Variants in DUSP4 observed in about 807,000 individuals in gnomAD.
DUSP4 encodes the protein dual specificity protein phosphatase 4.
Under a neutral mutation model 27.2 loss-of-function variants are expected in DUSP4, and 12 were observed. The ratio of observed to expected loss-of-function variants is 0.44; its 90% confidence interval spans 0.28 to 0.71. DUSP4 has a LOEUF of 0.71. DUSP4 is among the 30% of genes least tolerant of loss of function. The probability of loss-of-function intolerance (pLI) is 0.14; values close to 1 mark genes in which losing one functional copy is unlikely to be tolerated. For missense variants in DUSP4, 448 were observed against 551.3 expected, an observed-to-expected ratio of 0.81 and a Z score of 1.88; for synonymous variants, 257 against 245.2, an observed-to-expected ratio of 1.05 and a Z score of -0.45.
rs560320681 is a variant in DUSP4, at chr8:29,336,103, A to G, written c.*923T>C. Reference sequence around the variant, plus strand: ...CTTTTTTTTTCTTTTCTTTTTTTTTAAAAAAGCAATTCAAACCTAATTCTT... The same window carrying G: ...CTTTTTTTTTCTTTTCTTTTTTTTTGAAAAAGCAATTCAAACCTAATTCTT... On this transcript the variant is annotated 3_prime_UTR_variant, in exon 4 of 4. Coordinates refer to ENST00000240100, the MANE Select transcript of DUSP4 (RefSeq NM_001394.7). The G allele has an allele frequency of 4.1e-4, 62 of 151,044 alleles. No homozygotes were observed. The highest frequency in any genetic ancestry group is 1.4e-3 in the African/African-American group (56 of 41,024). The allele number at this position is 151,044 out of a possible 1,614,324, so 9.4% of individuals were successfully genotyped here. A position where few individuals can be genotyped will look rare whatever the true frequency, so the allele number is the denominator to read the frequency against.
chr8:29,348,566 G>A, intron 1 of DUSP4: 7 of 985,556 alleles, frequency 7.1e-6, no homozygotes, highest in Non-Finnish European at 7.2e-6. Flanking sequence ...AAATGGGCAG[G>A]AAACAACTGC....
chr8:29,334,479 GT>G lies in DUSP4; in HGVS notation c.*2546del, dbSNP rs1195252831. 2 of 152,230 alleles carry G rather than the reference GT, an allele frequency of 1.3e-5. No individual in the cohort carries two copies. The highest frequency in any genetic ancestry group is 2.9e-5 in the Non-Finnish European group (2 of 68,040). The allele number at this position is 152,230 out of a possible 1,614,324, so 9.4% of individuals were successfully genotyped here. On this transcript the variant is annotated 3_prime_UTR_variant, in exon 4 of 4. Transcript: ENST00000240100. ...AATGAAAATGGCTTTATAAATAGCT[GT>G]TTTGACATTGTGATAGAAGGCTTGA... is the stretch of plus-strand genomic sequence containing the variant.
Position 29,349,861 on chromosome 8 carries a change from T to C in DUSP4, c.418A>G (p.Ile140Val). ...ALRRNAERTD[I>V]CLLKGGYERF... ...CCTCGTTTACCTTTGAGCAGGCAGATGTCGGTGCGCTCGGCGTTGCGGCGC... is the reference window on the plus strand; with the variant it reads ...CCTCGTTTACCTTTGAGCAGGCAGACGTCGGTGCGCTCGGCGTTGCGGCGC... The change falls in exon 1 of 4, where the codon ATC (isoleucine) becomes GTC (valine). Residue 140 changes from isoleucine (I) to valine (V), a missense_variant. Coordinates refer to ENST00000240100, the MANE Select transcript of DUSP4 (RefSeq NM_001394.7). 1.3e-6 allele frequency: 2 copies of C among 1,505,610 alleles called. No homozygotes were observed. The highest frequency in any genetic ancestry group is 1.8e-6 in the Non-Finnish European group (2 of 1,133,390). 93.3% of individuals were successfully genotyped at this position (1,505,610 alleles called of 1,614,324 possible). A position where few individuals can be genotyped will look rare whatever the true frequency, so the allele number is the denominator to read the frequency against.
Position 29,333,329 on chromosome 8 carries a change from GGTGGGGAA to G in DUSP4, c.*3689_*3696del, listed in dbSNP as rs1817523877. 6.6e-6 allele frequency: 1 copy of G among 152,222 alleles called. No homozygotes were observed. Among genetic ancestry groups the G allele is most frequent in the Non-Finnish European group, 1.5e-5 (1 of 68,058 alleles). 9.4% of individuals were successfully genotyped at this position (152,222 alleles called of 1,614,324 possible). On this transcript the variant is annotated 3_prime_UTR_variant, in exon 4 of 4. Coordinates refer to ENST00000240100, the MANE Select transcript of DUSP4 (RefSeq NM_001394.7). ...TAAACTCTAAGGGAGAGAGAGTACTGGTGGGGAAGCGGGGTTCAAAGAGGAGACATCCT... is the reference window on the plus strand; with the variant it reads ...TAAACTCTAAGGGAGAGAGAGTACTGGCGGGGTTCAAAGAGGAGACATCCT...
rs1817807539 is a variant in DUSP4 at position 29,350,488 on chromosome 8, C to T, written c.-210G>A. On this transcript the variant is annotated 5_prime_UTR_variant, in exon 1 of 4. Transcript: ENST00000240100. ...GGTCACATAGCAGTCGGAGCGGCCT[C>T]GGGCGCCCAGCCGGGCGGCGCGCAG... 4 of 602,760 alleles carry T rather than the reference C, an allele frequency of 6.6e-6. No homozygotes were observed. Among genetic ancestry groups the T allele is most frequent in the Non-Finnish European group, 1.1e-5 (4 of 370,180 alleles). 37.3% of individuals were successfully genotyped at this position (602,760 alleles called of 1,614,324 possible).
chr8:29,345,356 A>T, intron 1 of DUSP4: 1 of 1,613,744 alleles, frequency 6.2e-7, no homozygotes, highest in Non-Finnish European at 8.5e-7. Flanking sequence ...AATCCAACTA[A>T]GTGAACTTCT....
chr8:29,338,602 C>T (rs960126845), intron 2 of DUSP4, 101 bp from the exon 3 acceptor site: 10 of 1,339,730 alleles, frequency 7.5e-6, no homozygotes, highest in African/African-American at 7.3e-5. Context: ...TTTCCAAACC[C>T]AGGGAGAATG....
Position 29,342,597 on chromosome 8 carries a change from C to T in DUSP4, c.434-2354G>A, listed in dbSNP as rs532885275. On this transcript the variant is annotated intron_variant, in intron 1 of 3. Transcript: ENST00000240100. ...CTCTTGGTTTCCGGAGACCTCCAGA[C>T]CTCCATCTTCTCTCCCAGGCATGGC... Among the ~76,000 whole-genome samples the T allele has an allele frequency of 4.6e-5, 7 of 152,316 alleles. No individual in the cohort carries two copies. In the East Asian group the frequency reaches 1.2e-3, roughly 25 times the overall value.
At chr8:29,344,618 C>T (rs745961338) in intron 1 of DUSP4, among the ~76,000 whole-genome samples, 2 of 152,198 alleles carry the variant, frequency 1.3e-5, no homozygotes, top group Non-Finnish European at 2.9e-5. Context: ...CTTCTCACAT[C>T]CTCATACAGG....
chr8:29,348,896 C>CCT, intron 1 of DUSP4: 1 of 575,962 alleles, frequency 1.7e-6, no homozygotes, highest in Non-Finnish European at 2.2e-6. Flanking sequence ...GCGGGGGGCG[C>CCT]CCGGACCCCA....
At chr8:29,348,280 C>T (rs1402816341) in intron 1 of DUSP4, 27 of 985,476 alleles carry the variant, frequency 2.7e-5, no homozygotes, top group Non-Finnish European at 3.3e-5. Flanking sequence ...GAATTGCCCT[C>T]ATCTCTCCCA....
intron 1 of DUSP4, among the ~76,000 whole-genome samples, chr8:29,342,069 C>T (rs1045664157): frequency 1.3e-5 from 2 of 152,174 alleles, no homozygotes; most frequent in Non-Finnish European, 2.9e-5. Flanking sequence ...GACAAGCTAT[C>T]GCCTGCACTC....
intron 1 of DUSP4, chr8:29,345,846 T>C: frequency 9.3e-7 from 1 of 1,071,822 alleles, no homozygotes; most frequent in Non-Finnish European, 1.1e-6. Context: ...GTGAGTTTGC[T>C]TCATTGTAAA....
chr8:29,349,674 A>G (rs1247657585), intron 1 of DUSP4, among the ~76,000 whole-genome samples, 172 bp downstream of exon 1: 3 of 152,176 alleles, frequency 2.0e-5, no homozygotes, highest in Non-Finnish European at 4.4e-5. Flanking sequence ...TGAACCTCGC[A>G]CTTGCACAGA....
At position 29,340,190 on chromosome 8, in the gene DUSP4, C is replaced by T; in HGVS notation, c.487G>A (p.Ala163Thr). 6.2e-7 allele frequency: 1 copy of T among 1,613,590 alleles called. No homozygotes were observed. Among genetic ancestry groups the T allele is most frequent in the Non-Finnish European group, 8.5e-7 (1 of 1,179,856 alleles). ...ACCGGGGGTGGGATGGCTGCCAGGGCCTTGGTTTTAGAACAGAATTCTGGG... is the reference window on the plus strand; with the variant it reads ...ACCGGGGGTGGGATGGCTGCCAGGGTCTTGGTTTTAGAACAGAATTCTGGG... Reference protein sequence around the residue: ...EYPEFCSKTKALAAIPPPVPP... With the variant: ...EYPEFCSKTKTLAAIPPPVPP... The change falls in exon 2 of 4, where the codon GCC becomes ACC. Residue 163 changes from alanine (A) to threonine (T), a missense_variant. This residue lies in a region of DUSP4 where 345 missense variants were observed against 394.0 expected (regional missense o/e 0.88). Coordinates refer to ENST00000240100, the MANE Select transcript of DUSP4 (RefSeq NM_001394.7).
rs1472519697 is a variant in DUSP4 at position 29,337,576 on chromosome 8, C to T, written c.800-165G>A. On this transcript the variant is annotated intron_variant, in intron 3 of 3. Transcript: ENST00000240100. The surrounding 1 kb of genome is among the most constrained non-coding windows in gnomAD (Gnocchi z 6.4). ...CCATGTAGGCAGGTCTCTAGAATGCCCCCAATTCTGAGGTCTATTTTCCCG... is the reference window on the plus strand; with the variant it reads ...CCATGTAGGCAGGTCTCTAGAATGCTCCCAATTCTGAGGTCTATTTTCCCG... Among the ~76,000 whole-genome samples the T allele has an allele frequency of 6.6e-6, 1 of 152,194 alleles. No individual in the cohort carries two copies. The highest frequency in any genetic ancestry group is 2.1e-4 in the South Asian group (1 of 4,834).
At chr8:29,348,595 C>G (rs758817778) in intron 1 of DUSP4, 8 of 985,424 alleles carry the variant, frequency 8.1e-6, no homozygotes, top group Non-Finnish European at 9.6e-6. Flanking sequence ...AAGCCCCCCG[C>G]TGTCCGGCAG....
rs142912477 is a variant in DUSP4, at chr8:29,347,580, T to C, written c.433+2266A>G. ...CTGAACTTCTGGCTAGGAGGGGCTA[T>C]TCTAGAAGAGACCGAAGCTAAATCT... On this transcript the variant is annotated intron_variant, in intron 1 of 3. Coordinates refer to ENST00000240100, the MANE Select transcript of DUSP4 (RefSeq NM_001394.7). Among the ~76,000 whole-genome samples the C allele has an allele frequency of 3.7e-3, 561 of 152,290 alleles. 1 individual carries two copies. Among genetic ancestry groups the C allele is most frequent in the African/African-American group, 0.013 (545 of 41,566 alleles).
chr8:29,337,081 G>T lies in DUSP4; in HGVS notation c.1130C>A (p.Ala377Asp). ...GTGCAGGTAGGGCAGGCTGCTGGGG[G>T]CCGAGTGCACGCCCACGGAGACCGG... ...SFPVSVGVHSAPSSLPYLHSP... is the reference protein window; with the variant it reads ...SFPVSVGVHSDPSSLPYLHSP... The change falls in exon 4 of 4, where the codon GCC (alanine) becomes GAC (aspartate). Residue 377 changes from alanine (A) to aspartate (D), a missense_variant. Physicochemically the swap from Ala to Asp is moderately radical, Grantham distance 126 (BLOSUM62 -2). This residue lies in a region of DUSP4 where 100 missense variants were observed against 139.8 expected (regional missense o/e 0.72). Coordinates refer to ENST00000240100, the MANE Select transcript of DUSP4 (RefSeq NM_001394.7). This position sits in a 1 kb window ranked among gnomAD's most constrained non-coding sequence, Gnocchi z 6.4. 1.2e-6 allele frequency: 2 copies of T among 1,608,224 alleles called. No individual in the cohort carries two copies. Among genetic ancestry groups the T allele is most frequent in the Admixed American group, 1.7e-5 (1 of 59,200 alleles).
Sources: allele counts gnomAD v4.1 joint callset (sites outside exome capture counted in the v4.1 genomes callset), GRCh38; gene constraint gnomAD v4.1.1; regional missense constraint gnomAD v4.1.1; non-coding constraint Gnocchi (gnomAD v3.1); transcripts MANE v1.5; gene names NCBI Gene and HGNC (gene_info 2026-07-23, HGNC 2026-07-21).